ATP8B4: variants seen among roughly 807,000 people sequenced by gnomAD.
ATP8B4 encodes probable phospholipid-transporting ATPase IM.
ATP8B4 carries 133 observed loss-of-function variants against 145.6 expected under a neutral mutation model. The observed-to-expected ratio is 0.91, with a 90% CI of 0.79 to 1.05. The LOEUF is 1.05. Ranked by LOEUF, ATP8B4 falls within the 50% of genes least tolerant of loss-of-function variation. ATP8B4 has a pLI of 0.00. For missense variants in ATP8B4, 1,458 were observed against 1,425.2 expected, an observed-to-expected ratio of 1.02 and a Z score of -0.37; for synonymous variants, 507 against 492.9, an observed-to-expected ratio of 1.03 and a Z score of -0.38.
intron 15 of ATP8B4, among the ~76,000 whole-genome samples, chr15:49,933,722 C>T (rs541355418): frequency 2.6e-5 from 4 of 152,202 alleles, no homozygotes; most frequent in South Asian, 2.1e-4. Context: ...ATTGTAAGAA[C>T]GATGTCATCC....
chr15:50,048,005 A>G (rs1336904011), intron 3 of ATP8B4, among the ~76,000 whole-genome samples: 1 of 152,098 alleles, frequency 6.6e-6, no homozygotes, highest in African/African-American at 2.4e-5. Flanking sequence ...CTGCCTCCCT[A>G]TAACTTCTTT....
chr15:49,932,839 C>A (rs1421088824), intron 15 of ATP8B4, among the ~76,000 whole-genome samples: 1 of 152,014 alleles, frequency 6.6e-6, no homozygotes, highest in Non-Finnish European at 1.5e-5. Flanking sequence ...TAAGGGTAAA[C>A]TGGACACCCA....
chr15:49,922,744 CCTTA>C lies in ATP8B4; in HGVS notation c.1758+631_1758+634del, dbSNP rs1413278734. Among the ~76,000 whole-genome samples the C allele has an allele frequency of 5.3e-5, 8 of 152,184 alleles. No individual in the cohort carries two copies. The East Asian group carries it at 1.5e-3, about 29-fold the overall frequency. On this transcript the variant is annotated intron_variant, in intron 17 of 27. Transcript: ENST00000284509. The stretch of plus-strand genomic sequence containing the variant: ...GTAAAGCTCATATTAATTCCCATTC[CCTTA>C]CTTTTTGGCATTTAACAAAAAAGTG...
intron 6 of ATP8B4, among the ~76,000 whole-genome samples, chr15:50,015,829 C>A (rs918231194): frequency 6.6e-6 from 1 of 152,146 alleles, no homozygotes; most frequent in African/African-American, 2.4e-5. Flanking sequence ...TTAAAGAATG[C>A]AGATGTTTCC....
At position 50,175,688 on chromosome 15, in the gene ATP8B4, T is replaced by G. The variant is rs558172508; in HGVS notation, c.-43+6573A>C. Among the ~76,000 whole-genome samples, 3 of 152,086 alleles carry G rather than the reference T, an allele frequency of 2.0e-5. No individual in the cohort carries two copies. The South Asian group carries it at 6.2e-4, about 32-fold the overall frequency. ...TGCAAGAATGGCCATAATTAAAAAA[T>G]CAAAAAACCGTAGATGTTGGCATGG... On this transcript the variant is annotated intron_variant, in intron 1 of 3. Transcript: ENST00000558829.
intron 13 of ATP8B4, among the ~76,000 whole-genome samples, chr15:49,970,192 T>C (rs2044967737): frequency 6.6e-6 from 1 of 152,286 alleles, no homozygotes; most frequent in Middle Eastern, 3.4e-3. Flanking sequence ...GCTGGAAGCA[T>C]TCCCTTTGAA....
intron 1 of ATP8B4, among the ~76,000 whole-genome samples, chr15:50,142,180 C>T (rs1259895856): frequency 6.6e-6 from 1 of 152,186 alleles, no homozygotes; most frequent in Non-Finnish European, 1.5e-5. Context: ...AGGTCCCGAA[C>T]AGGAGCCATG....
chr15:50,064,530 A>G (rs2053244509), intron 3 of ATP8B4, among the ~76,000 whole-genome samples: 1 of 152,202 alleles, frequency 6.6e-6, no homozygotes, highest in African/African-American at 2.4e-5. Flanking sequence ...CAGTCATGCA[A>G]TAGACACAGA....
At chr15:49,866,737 A>G (rs2032860338) in intron 25 of ATP8B4, among the ~76,000 whole-genome samples, 1 of 152,246 alleles carries the variant, frequency 6.6e-6, no homozygotes, top group Admixed American at 6.5e-5. Context: ...CAGAATCAGG[A>G]GGTAAGATGT....
chr15:50,010,844 C>T lies in ATP8B4; in HGVS notation c.435+1G>A, dbSNP rs756433822. The T allele has an allele frequency of 1.3e-6, 2 of 1,532,404 alleles. No homozygotes were observed. The highest frequency in any genetic ancestry group is 1.8e-6 in the Non-Finnish European group (2 of 1,132,018). 94.9% of individuals were successfully genotyped at this position (1,532,404 alleles called of 1,614,324 possible). On this transcript the variant is annotated splice_donor_variant, in intron 7 of 27. Transcript: ENST00000284509. LOFTEE classifies it high-confidence loss of function. ...TTATTCAAACAATATTGAATACTTA[C>T]AGCAACAAATTGGTTATTTTCTAAT...
At chr15:50,163,276 A>G (rs575325670) in intron 1 of ATP8B4, among the ~76,000 whole-genome samples, 3 of 152,306 alleles carry the variant, frequency 2.0e-5, no homozygotes, top group Admixed American at 2.0e-4. Flanking sequence ...AAGGCTTTCC[A>G]AGTATTCCAA....
chr15:49,886,778 C>G (rs2036237048), intron 23 of ATP8B4, among the ~76,000 whole-genome samples: 1 of 151,966 alleles, frequency 6.6e-6, no homozygotes. Flanking sequence ...GTTTAGACTT[C>G]AGGGTCTTTC....
chr15:50,020,740 C>T (rs1296243581), intron 6 of ATP8B4, among the ~76,000 whole-genome samples: 3 of 152,184 alleles, frequency 2.0e-5, no homozygotes, highest in Non-Finnish European at 4.4e-5. Flanking sequence ...TGCCTCTCTT[C>T]ATACCCACCC....
chr15:49,861,402 ATGTGTG>A (rs58396806), intron 27 of ATP8B4, among the ~76,000 whole-genome samples: 19 of 99,168 alleles, frequency 1.9e-4, no homozygotes, highest in East Asian at 1.9e-3. Context: ...TTAAAAAAAA[ATGTGTG>A]TGTGTGTGTG....
At chr15:49,913,986 T>A (rs1020750039) in intron 20 of ATP8B4, among the ~76,000 whole-genome samples, 3 of 152,044 alleles carry the variant, frequency 2.0e-5, no homozygotes, top group Admixed American at 2.0e-4. Flanking sequence ...TTCCTAACAT[T>A]CATATGGAAC....
intron 14 of ATP8B4, among the ~76,000 whole-genome samples, chr15:49,954,693 C>T (rs985673062): frequency 8.6e-5 from 13 of 152,046 alleles, no homozygotes; most frequent in East Asian, 5.8e-4. Flanking sequence ...GGTGAGGCTG[C>T]GGAGAAAAGG....
At chr15:49,998,591 GT>G (rs1439461316) in intron 8 of ATP8B4, among the ~76,000 whole-genome samples, 5 of 152,000 alleles carry the variant, frequency 3.3e-5, no homozygotes, top group Non-Finnish European at 7.4e-5. Context: ...GAGGTTGTTT[GT>G]TTTTTTCTTG....
In ATP8B4 at chr15:50,153,681, G is replaced by A. The variant is rs114366427; in HGVS notation, c.-43+28580C>T. On this transcript the variant is annotated intron_variant, in intron 1 of 3. Coordinates refer to the ATP8B4 transcript ENST00000558829. The stretch of plus-strand genomic sequence containing the variant: ...GAAAGAGCTGAAGGCAATGATGCAC[G>A]ACCTACAAATCACGTGCAACAAGAT... Among the ~76,000 whole-genome samples, 499 of 152,210 alleles carry A rather than the reference G, an allele frequency of 3.3e-3. 1 individual carries two copies. The highest frequency in any genetic ancestry group is 0.011 in the African/African-American group (477 of 41,532).
intron 2 of ATP8B4, among the ~76,000 whole-genome samples, chr15:50,087,729 G>A (rs986158542): frequency 2.0e-5 from 3 of 151,906 alleles, no homozygotes; most frequent in African/African-American, 7.2e-5. Context: ...ATGTTTATGT[G>A]ACATTGTGAA....
Sources: gnomAD v4.1 joint callset for allele counts (sites outside exome capture counted in the v4.1 genomes callset) on GRCh38, gnomAD v4.1.1 for gene constraint, MANE v1.5 for transcripts, NCBI Gene and HGNC (gene_info 2026-07-23, HGNC 2026-07-21) for gene names.